Variants in FERRY3 observed in about 807,000 individuals in gnomAD.
FERRY3 encodes FERRY endosomal RAB5 effector complex subunit 3.
At chr12:4,524,508 C>T in the FERRY3 span, among the ~76,000 whole-genome samples, 1 of 142,012 alleles carries the variant, frequency 7.0e-6, no homozygotes, top group East Asian at 2.0e-4. Flanking sequence ...GAACTGGGTA[C>T]ACAACGAAAA....
At chr12:4,498,927 C>T in the FERRY3 span, among the ~76,000 whole-genome samples, 1 of 152,178 alleles carries the variant, frequency 6.6e-6, no homozygotes, top group South Asian at 2.1e-4. Flanking sequence ...GGCAGTAATG[C>T]TTGCCCTTCA....
chr12:4,527,519 C>T, the FERRY3 span, among the ~76,000 whole-genome samples: 1 of 151,850 alleles, frequency 6.6e-6, no homozygotes, highest in African/African-American at 2.4e-5. Context: ...TGATGCTGTG[C>T]CGAGAAACTG....
the FERRY3 span, among the ~76,000 whole-genome samples, chr12:4,493,365 C>G: frequency 1.3e-5 from 2 of 152,170 alleles, no homozygotes; most frequent in East Asian, 3.8e-4. Context: ...AATACACATG[C>G]TCAAAAACAT....
chr12:4,491,232 T>C, the FERRY3 span: 1 of 1,612,282 alleles, frequency 6.2e-7, no homozygotes. Context: ...GTATAGTCAT[T>C]TCCTAAAAAC....
the FERRY3 span, chr12:4,534,325 C>G: frequency 1.3e-6 from 2 of 1,570,190 alleles, no homozygotes; most frequent in Non-Finnish European, 8.6e-7. Flanking sequence ...CATCAAACAC[C>G]ATCGTCAGCA....
At chr12:4,499,989 T>C in the FERRY3 span, 3 of 692,826 alleles carry the variant, frequency 4.3e-6, no homozygotes, top group Admixed American at 5.6e-5. Flanking sequence ...ATTTGTATTA[T>C]ATTTCACTCG....
chr12:4,497,975 G>A, the FERRY3 span, among the ~76,000 whole-genome samples: 1 of 152,180 alleles, frequency 6.6e-6, no homozygotes, highest in Non-Finnish European at 1.5e-5. Flanking sequence ...TGTTGTCTGA[G>A]TTTATAGAGT....
the FERRY3 span, among the ~76,000 whole-genome samples, chr12:4,522,132 A>G: frequency 6.6e-6 from 1 of 152,174 alleles, no homozygotes; most frequent in African/African-American, 2.4e-5. Context: ...GGATGCTGAT[A>G]ATGGGGAAGA....
chr12:4,491,175 A>G, the FERRY3 span: 1 of 1,613,058 alleles, frequency 6.2e-7, no homozygotes, highest in Non-Finnish European at 8.5e-7. Flanking sequence ...GATTATGCTC[A>G]CCTTTGACAC....
At chr12:4,517,801 GCT>G in the FERRY3 span, among the ~76,000 whole-genome samples, 5 of 150,570 alleles carry the variant, frequency 3.3e-5, no homozygotes, top group Non-Finnish European at 5.9e-5. Context: ...ACATGTGATT[GCT>G]CTTTTTGTTT....
chr12:4,521,719 A>G, the FERRY3 span, among the ~76,000 whole-genome samples: 1 of 152,228 alleles, frequency 6.6e-6, no homozygotes, highest in Non-Finnish European at 1.5e-5. Context: ...CAAACAAACT[A>G]TAGACCAACA....
At chr12:4,525,596 TAAACA>T in the FERRY3 span, 1 of 1,576,850 alleles carries the variant, frequency 6.3e-7, no homozygotes, top group Non-Finnish European at 8.7e-7. Context: ...AAAACACAAA[TAAACA>T]AATCAGGGAT....
the FERRY3 span, among the ~76,000 whole-genome samples, chr12:4,492,396 G>A: frequency 6.6e-6 from 1 of 152,222 alleles, no homozygotes; most frequent in East Asian, 1.9e-4. Context: ...GCAAGAATAA[G>A]AATAAAAAGG....
the FERRY3 span, among the ~76,000 whole-genome samples, chr12:4,514,095 G>A: frequency 6.6e-6 from 1 of 151,300 alleles, no homozygotes; most frequent in Non-Finnish European, 1.5e-5. Context: ...GACATGAACA[G>A]ACACTTCTCA....
chr12:4,494,819 C>T, the FERRY3 span, among the ~76,000 whole-genome samples: 3 of 152,116 alleles, frequency 2.0e-5, no homozygotes, highest in Non-Finnish European at 4.4e-5. Context: ...TGTGCATTTC[C>T]ATATACATTT....
the FERRY3 span, chr12:4,517,956 G>T: frequency 7.2e-6 from 7 of 975,186 alleles, no homozygotes; most frequent in Non-Finnish European, 9.1e-6. Context: ...GGATGTCAAG[G>T]TGATTAAAAT....
the FERRY3 span, chr12:4,534,306 T>C: frequency 1.2e-6 from 2 of 1,600,258 alleles, no homozygotes; most frequent in Admixed American, 1.7e-5. Flanking sequence ...TTTAAGTCTG[T>C]TACAGGGACA....
chr12:4,508,221 TCTTC>T, the FERRY3 span, among the ~76,000 whole-genome samples: 1 of 152,086 alleles, frequency 6.6e-6, no homozygotes, highest in Non-Finnish European at 1.5e-5. Context: ...TTCAGAAAGG[TCTTC>T]CTTATATCAA....
the FERRY3 span, chr12:4,490,702 A>G: frequency 3.8e-6 from 3 of 789,384 alleles, no homozygotes; most frequent in South Asian, 5.2e-5. Flanking sequence ...TTGACTTTTT[A>G]GGTAGCCATT....
Sources: gnomAD v4.1 joint callset for allele counts (sites outside exome capture counted in the v4.1 genomes callset) on GRCh38, gnomAD v4.1.1 for gene constraint, MANE v1.5 for transcripts, NCBI Gene and HGNC (gene_info 2026-07-23, HGNC 2026-07-21) for gene names.